SENP1: variants seen among roughly 807,000 people sequenced by gnomAD.
SENP1 encodes the protein sentrin-specific protease 1.
SENP1 carries 21 observed loss-of-function variants against 93.0 expected under a neutral mutation model. The ratio of observed to expected loss-of-function variants is 0.23; its 90% CI spans 0.16 to 0.33. The LOEUF is 0.33. SENP1 is among the 10% of genes least tolerant of loss of function. SENP1 has a pLI of 1.00. For missense variants in SENP1, 591 were observed against 758.7 expected (o/e 0.78, Z 2.60); for synonymous variants, 256 against 259.6 (o/e 0.99, Z 0.13).
intron 2 of SENP1, among the ~76,000 whole-genome samples, chr12:48,098,643 C>CAA (rs749908469): frequency 0.24 from 26,562 of 108,948 alleles, 3,309 homozygotes; most frequent in East Asian, 0.57. Flanking sequence ...AACTCCATCT[C>CAA]AAAAAAAAAA....
At chr12:48,103,187 C>T (rs1415706809) in intron 1 of SENP1, among the ~76,000 whole-genome samples, 1 of 152,052 alleles carries the variant, frequency 6.6e-6, no homozygotes, top group African/African-American at 2.4e-5. Flanking sequence ...CAGAATAATC[C>T]CATGTCAATT....
rs1944641067 is a variant in SENP1 at position 48,083,691 on chromosome 12, G to C, written c.452C>G (p.Pro151Arg). 2 of 1,612,984 alleles carry C rather than the reference G, an allele frequency of 1.2e-6. No individual in the cohort carries two copies. The change falls in exon 6 of 18, where the codon CCT becomes CGT. Residue 151 changes from proline (P) to arginine (R), a missense_variant. Physicochemically the swap from Pro to Arg is moderately radical, Grantham distance 103. This residue lies in a region of SENP1 where 214 missense variants were observed against 243.4 expected (regional missense o/e 0.88). Coordinates refer to ENST00000549518, the MANE Select transcript of SENP1 (RefSeq NM_001267594.2). ...AGATGGACTTGGAACAGGTTTAATA[G>C]GAAAAGATTTTTCATATGCAGATAC... ...CHVSAYEKSF[P>R]IKPVPSPSWS...
At chr12:48,063,334 A>G (rs1208860676) in intron 13 of SENP1, among the ~76,000 whole-genome samples, 1 of 152,220 alleles carries the variant, frequency 6.6e-6, no homozygotes, top group Non-Finnish European at 1.5e-5. Context: ...CTGGATTCCT[A>G]TAAAGAAATC....
At position 48,043,870 on chromosome 12, in the gene SENP1, C is replaced by T. The variant is rs1941167773; in HGVS notation, c.*1452G>A. ...TAAAACAGTAAAATTTTCAAATAAG[C>T]CCAGGGAAAAAGCACAATGCTGGAA... is the stretch of plus-strand genomic sequence containing the variant. On this transcript the variant is annotated 3_prime_UTR_variant, in exon 18 of 18. Coordinates refer to ENST00000549518, the MANE Select transcript of SENP1 (RefSeq NM_001267594.2). 1 of 152,430 alleles carries T rather than the reference C, an allele frequency of 6.6e-6. No individual in the cohort carries two copies. The highest frequency in any genetic ancestry group is 2.1e-4 in the South Asian group (1 of 4,824). 9.4% of individuals were successfully genotyped at this position (152,430 alleles called of 1,614,324 possible).
intron 8 of SENP1, 60 bp from the exon 9 acceptor site, chr12:48,071,781 A>G: frequency 8.7e-7 from 1 of 1,143,354 alleles, no homozygotes; most frequent in Non-Finnish European, 1.3e-6. Context: ...TACTTTCTAG[A>G]TATCTTAGTT....
chr12:48,097,846 GAGC>G, intron 3 of SENP1, 145 bp downstream of exon 3: 1 of 678,024 alleles, frequency 1.5e-6, no homozygotes, highest in South Asian at 2.3e-5. Context: ...TTAATATATA[GAGC>G]AGAATTCCAA....
intron 4 of SENP1, among the ~76,000 whole-genome samples, chr12:48,091,686 T>G (rs1482095150): frequency 1.3e-5 from 2 of 150,132 alleles, no homozygotes; most frequent in African/African-American, 5.0e-5. Context: ...GGGTTAAACA[T>G]TTTTTTTTCT....
At chr12:48,083,542 T>G (rs1459362037) in intron 6 of SENP1, 49 bp downstream of exon 6, 1 of 1,501,218 alleles carries the variant, frequency 6.7e-7, no homozygotes, top group Non-Finnish European at 9.2e-7. Context: ...TGGCTCAATG[T>G]AGGGAAAGAT....
chr12:48,065,341 G>T, intron 11 of SENP1, 121 bp from the exon 12 acceptor site: 1 of 813,284 alleles, frequency 1.2e-6, no homozygotes, highest in Non-Finnish European at 1.9e-6. Flanking sequence ...AATGCCCATT[G>T]CTTTCGCTTT....
intron 13 of SENP1, among the ~76,000 whole-genome samples, chr12:48,059,780 T>G (rs1433574613): frequency 2.6e-5 from 4 of 152,188 alleles, no homozygotes. Context: ...TTTTAGGCTT[T>G]GTGATGGTGG....
rs546047128 is a variant in SENP1, at chr12:48,042,976, CAGAAATACCTTTTTTTT to C, written c.*2329_*2345del. 2.6e-5 allele frequency: 4 copies of C among 152,020 alleles called. No homozygotes were observed. The highest frequency in any genetic ancestry group is 5.9e-5 in the Non-Finnish European group (4 of 67,970). 9.4% of individuals were successfully genotyped at this position (152,020 alleles called of 1,614,324 possible). A position where few individuals can be genotyped will look rare whatever the true frequency, so the allele number is the denominator to read the frequency against. On this transcript the variant is annotated 3_prime_UTR_variant, in exon 18 of 18. Transcript: ENST00000549518. The stretch of plus-strand genomic sequence containing the variant: ...TAACATGCCTTTGGGCCATAAAATG[CAGAAATACCTTTTTTTT>C]TTTCCTGGTCATCAAAGCCTACCCC...
intron 6 of SENP1, among the ~76,000 whole-genome samples, chr12:48,078,364 CAT>C (rs1198041875): frequency 2.6e-4 from 17 of 65,584 alleles, no homozygotes; most frequent in Non-Finnish European, 6.0e-4. Flanking sequence ...CACACACACA[CAT>C]ACACATATAT....
intron 4 of SENP1, chr12:48,089,190 T>C: frequency 2.6e-6 from 4 of 1,511,964 alleles, no homozygotes; most frequent in East Asian, 2.7e-5. Flanking sequence ...AGCTGAATCC[T>C]GCCACAGCCA....
At chr12:48,086,911 C>T (rs1427273592) in intron 5 of SENP1, among the ~76,000 whole-genome samples, 1 of 151,996 alleles carries the variant, frequency 6.6e-6, no homozygotes, top group Non-Finnish European at 1.5e-5. Context: ...TGGTGGCGGG[C>T]ACCTGTAGTC....
At chr12:48,065,351 T>G (rs1943228150) in intron 11 of SENP1, 131 bp from the exon 12 acceptor site, 2 of 759,888 alleles carry the variant, frequency 2.6e-6, no homozygotes, top group Non-Finnish European at 4.1e-6. Context: ...GCTTTCGCTT[T>G]TTTGTAAAGT....
Position 48,071,689 on chromosome 12 carries a change from C to T in SENP1, c.973G>A (p.Asp325Asn), listed in dbSNP as rs935669612. 2.5e-6 allele frequency: 4 copies of T among 1,608,676 alleles called. No individual in the cohort carries two copies. In the Admixed American group the frequency reaches 5.0e-5, roughly 20 times the overall value. Residue 325 changes from aspartate to asparagine, a missense_variant, in exon 9 of 18, where the codon GAT (aspartate) becomes AAT (asparagine). By Grantham distance (23) the Asp-to-Asn change is conservative (BLOSUM62 1). This residue lies in a region of SENP1 where 238 missense variants were observed against 259.1 expected (regional missense o/e 0.92). Transcript: ENST00000549518. ...SDSVILLKVK[D>N]SQTPTPSSTF... ...TACCTGGGAGTTGGAGTCTGGGAAT[C>T]TTTCACTTTCAGTAAAATCACAGAG...
chr12:48,064,980 A>G (rs1943197128), intron 12 of SENP1, 85 bp downstream of exon 12: 3 of 1,014,920 alleles, frequency 3.0e-6, no homozygotes, highest in African/African-American at 3.2e-5. Context: ...CCTGACCACT[A>G]TTGCTTTTAT....
chr12:48,074,886 A>T, intron 6 of SENP1, 93 bp from the exon 7 acceptor site: 1 of 806,280 alleles, frequency 1.2e-6, no homozygotes, highest in Non-Finnish European at 2.0e-6. Context: ...TAGCTCTGCC[A>T]AAGCTCAGGC....
intron 6 of SENP1, among the ~76,000 whole-genome samples, chr12:48,075,916 A>G (rs1187121851): frequency 1.3e-5 from 2 of 152,226 alleles, no homozygotes; most frequent in Non-Finnish European, 2.9e-5. Flanking sequence ...AGAAATATAT[A>G]AAAGAATATT....
Sources: gnomAD v4.1 joint callset for allele counts (sites outside exome capture counted in the v4.1 genomes callset) on GRCh38, gnomAD v4.1.1 for gene constraint, gnomAD v4.1.1 regional missense constraint, MANE v1.5 for transcripts, NCBI Gene and HGNC (gene_info 2026-07-23, HGNC 2026-07-21) for gene names.